ZCCHC2: variants seen among roughly 807,000 people sequenced by gnomAD.
The protein encoded by ZCCHC2 is zinc finger CCHC domain-containing protein 2.
ZCCHC2 carries 39 observed loss-of-function variants against 103.6 expected under a neutral mutation model. That is an observed-to-expected ratio of 0.38 (90% CI 0.29 to 0.49). ZCCHC2 has a LOEUF of 0.49. Ranked by LOEUF, ZCCHC2 falls within the 20% of genes least tolerant of loss-of-function variation. ZCCHC2 has a pLI of 0.96. For missense variants in ZCCHC2, 1,483 were observed against 1,491.0 expected (o/e 0.99, Z 0.09); for synonymous variants, 687 against 608.9 (o/e 1.13, Z -1.89).
chr18:62,576,117 A>G (rs1484970271), intron 13 of ZCCHC2, among the ~76,000 whole-genome samples: 1 of 152,184 alleles, frequency 6.6e-6, no homozygotes, highest in Non-Finnish European at 1.5e-5. Flanking sequence ...AGGAATTTGA[A>G]CAAAGTTTAA....
At chr18:62,571,268 C>G (rs979772975) in intron 12 of ZCCHC2, among the ~76,000 whole-genome samples, 7 of 152,148 alleles carry the variant, frequency 4.6e-5, no homozygotes, top group Admixed American at 3.3e-4. Flanking sequence ...AACCCATACT[C>G]CTAATGGCTG....
At chr18:62,560,516 A>G in intron 7 of ZCCHC2, 71 bp from the exon 8 acceptor site, 1 of 1,265,604 alleles carries the variant, frequency 7.9e-7, no homozygotes, top group Non-Finnish European at 1.1e-6. Context: ...GATCATACAA[A>G]CTAGTAGCAT....
chr18:62,563,199 G>GA, intron 9 of ZCCHC2, 55 bp downstream of exon 9: 4 of 1,552,790 alleles, frequency 2.6e-6, no homozygotes, highest in Non-Finnish European at 3.5e-6. Context: ...TCCTCTATAA[G>GA]AAAAAAATTA....
intron 3 of ZCCHC2, among the ~76,000 whole-genome samples, chr18:62,543,407 T>A (rs1257921208): frequency 1.3e-5 from 2 of 152,332 alleles, no homozygotes; most frequent in South Asian, 4.1e-4. Context: ...TCCCACCACT[T>A]GCTCGTTGAA....
intron 11 of ZCCHC2, among the ~76,000 whole-genome samples, 198 bp from the exon 12 acceptor site, chr18:62,569,905 C>T (rs115244218): frequency 0.01 from 1,563 of 152,186 alleles, 29 homozygotes; most frequent in African/African-American, 0.035. Flanking sequence ...TTATTCTGTG[C>T]ATTGTTTTAA....
chr18:62,564,143 A>AC (rs1313847897), intron 9 of ZCCHC2, among the ~76,000 whole-genome samples: 2 of 152,088 alleles, frequency 1.3e-5, no homozygotes, highest in Admixed American at 6.5e-5. Context: ...ATAATTAGTG[A>AC]CCTATTTTCA....
chr18:62,563,169 C>CTAT (rs1378694568), intron 9 of ZCCHC2, 25 bp downstream of exon 9: 16 of 1,598,690 alleles, frequency 1.0e-5, no homozygotes, highest in Non-Finnish European at 1.4e-5. Flanking sequence ...TGTTTTGGAG[C>CTAT]TATATAGTTA....
chr18:62,571,224 G>A (rs1335983733), intron 12 of ZCCHC2, among the ~76,000 whole-genome samples: 4 of 152,222 alleles, frequency 2.6e-5, no homozygotes, highest in South Asian at 2.1e-4. Flanking sequence ...GTCAAATGGT[G>A]ACAGTTTGGT....
chr18:62,563,069 T>C lies in ZCCHC2; in HGVS notation c.1611T>C (p.Asn537=). ...TTACCATGCAATATTCTGAACAGAA[T>C]GGAATTGTGGATTGGAGGAAGCAAA... ...DGLTMQYSEQ[N]GIVDWRKQSC... Residue 537 remains asparagine, a synonymous_variant, in exon 9 of 14, where the codon AAT becomes AAC. Transcript: ENST00000269499. 6.2e-7 allele frequency: 1 copy of C among 1,614,000 alleles called. No individual in the cohort carries two copies. The highest frequency in any genetic ancestry group is 1.7e-5 in the Admixed American group (1 of 60,028).
chr18:62,524,017 T>A lies in ZCCHC2; in HGVS notation c.593T>A (p.Val198Glu). The A allele has an allele frequency of 6.8e-7, 1 of 1,479,762 alleles. No individual in the cohort carries two copies. The highest frequency in any genetic ancestry group is 8.9e-7 in the Non-Finnish European group (1 of 1,124,594). The allele number at this position is 1,479,762 out of a possible 1,614,324, so 91.7% of individuals were successfully genotyped here. ...AGRLHRLLPQVDSVLKSLRAA... is the reference protein window; with the variant it reads ...AGRLHRLLPQEDSVLKSLRAA... ...CGTCTGCACCGCCTGCTACCCCAGG[T>A]GGACTCGGTGCTCAAAAGCCTGCGC... is the stretch of plus-strand genomic sequence containing the variant. Residue 198 changes from valine to glutamate, a missense_variant, in exon 1 of 14, where the codon GTG (valine) becomes GAG (glutamate). Coordinates refer to ENST00000269499, the MANE Select transcript of ZCCHC2 (RefSeq NM_017742.6).
At chr18:62,533,726 G>A (rs1914793525) in intron 1 of ZCCHC2, among the ~76,000 whole-genome samples, 2 of 151,854 alleles carry the variant, frequency 1.3e-5, no homozygotes, top group Admixed American at 1.3e-4. Flanking sequence ...ACAAAAATTA[G>A]CTGGGCGTGG....
At chr18:62,557,728 C>T (rs1159684153) in intron 6 of ZCCHC2, among the ~76,000 whole-genome samples, 1 of 152,170 alleles carries the variant, frequency 6.6e-6, no homozygotes, top group Non-Finnish European at 1.5e-5. Flanking sequence ...TTGAATTGAG[C>T]ACAAAGTTAA....
In ZCCHC2 at chr18:62,549,457, C is replaced by T. The variant is rs578254200; in HGVS notation, c.1201-891C>T. Among the ~76,000 whole-genome samples, 5 of 152,320 alleles carry T rather than the reference C, an allele frequency of 3.3e-5. No individual in the cohort carries two copies. The East Asian group carries it at 5.8e-4, about 18-fold the overall frequency. On this transcript the variant is annotated intron_variant, in intron 4 of 13. Transcript: ENST00000269499. ...TTACTTTTCAGAAGAAAATTTACTT[C>T]GGACTTCTCAAAGCTCAATATGTAA... is the stretch of plus-strand genomic sequence containing the variant.
chr18:62,565,816 T>G (rs1355056235), intron 11 of ZCCHC2, among the ~76,000 whole-genome samples: 1 of 152,214 alleles, frequency 6.6e-6, no homozygotes, highest in African/African-American at 2.4e-5. Flanking sequence ...TATTCTAATA[T>G]TAGTACATTC....
chr18:62,564,925 A>G (rs1916283728), intron 10 of ZCCHC2, 77 bp from the exon 11 acceptor site: 7 of 1,071,188 alleles, frequency 6.5e-6, no homozygotes, highest in Non-Finnish European at 8.2e-6. Flanking sequence ...TCTTGAAGGA[A>G]ATTTTATCAA....
intron 4 of ZCCHC2, among the ~76,000 whole-genome samples, chr18:62,545,777 TATAAC>T (rs1598941557): frequency 6.6e-6 from 1 of 152,240 alleles, no homozygotes; most frequent in African/African-American, 2.4e-5. Context: ...TTATTAAACA[TATAAC>T]ATACGATATT....
At chr18:62,555,607 G>C (rs754713605) in intron 5 of ZCCHC2, among the ~76,000 whole-genome samples, 1 of 152,104 alleles carries the variant, frequency 6.6e-6, no homozygotes, top group African/African-American at 2.4e-5. Flanking sequence ...TCAGGAGTTC[G>C]AGACTAGCCT....
chr18:62,548,601 T>C (rs1383195148), intron 4 of ZCCHC2, among the ~76,000 whole-genome samples: 1 of 152,188 alleles, frequency 6.6e-6, no homozygotes, highest in Non-Finnish European at 1.5e-5. Context: ...TATCAAAATA[T>C]AAATATTGAA....
intron 1 of ZCCHC2, chr18:62,526,819 G>C (rs987612515): frequency 6.6e-6 from 1 of 151,584 alleles, no homozygotes; most frequent in African/African-American, 2.4e-5. Flanking sequence ...GATGGCGGCC[G>C]CGCGCGCCTC....
Sources: allele counts gnomAD v4.1 joint callset (sites outside exome capture counted in the v4.1 genomes callset), GRCh38; gene constraint gnomAD v4.1.1; transcripts MANE v1.5; gene names NCBI Gene and HGNC (gene_info 2026-07-23, HGNC 2026-07-21).